Variants in METTL15 observed in about 807,000 individuals in gnomAD.
METTL15 encodes 12S rRNA N(4)-cytidine methyltransferase METTL15.
METTL15 carries 34 observed loss-of-function variants against 38.3 expected under a neutral mutation model. The observed-to-expected ratio is 0.89, with a 90% CI of 0.68 to 1.18. METTL15 has a LOEUF of 1.18. Ranked by LOEUF, METTL15 falls within the 50% of genes most tolerant of loss-of-function variation. METTL15 has a pLI of 0.00. For synonymous variants in METTL15, 162 were observed against 170.9 expected (o/e 0.95, Z 0.41); for missense variants, 438 against 498.4 (o/e 0.88, Z 1.15).
At chr11:28,471,889 A>G (rs1050906314) in intron 6 of METTL15, among the ~76,000 whole-genome samples, 65 of 152,102 alleles carry the variant, frequency 4.3e-4, no homozygotes, top group African/African-American at 1.5e-3. Flanking sequence ...CTGTGGGGGG[A>G]AAAACTCTCT....
rs561046055 is a variant in METTL15 at position 28,400,150 on chromosome 11, C to T, written c.*359-24149C>T. Among the ~76,000 whole-genome samples, 4 of 151,860 alleles carry T rather than the reference C, an allele frequency of 2.6e-5. No individual in the cohort carries two copies. The South Asian group carries it at 8.3e-4, about 32-fold the overall frequency. ...TTTGATTTGGGATCATAGATTTGGCCTTTTGTTTAAATGGTTACAATTTAT... is the reference window on the plus strand; with the variant it reads ...TTTGATTTGGGATCATAGATTTGGCTTTTTGTTTAAATGGTTACAATTTAT... On this transcript the variant is annotated intron_variant and NMD_transcript_variant, in intron 5 of 7. Coordinates refer to the METTL15 transcript ENST00000532947.
At chr11:28,497,746 C>A (rs1042622997) in intron 6 of METTL15, among the ~76,000 whole-genome samples, 2 of 152,106 alleles carry the variant, frequency 1.3e-5, no homozygotes, top group African/African-American at 2.4e-5. Flanking sequence ...GAGGCAAAGT[C>A]TCTCTGAAAC....
intron 3 of METTL15, among the ~76,000 whole-genome samples, chr11:28,199,222 T>C (rs1023655667): frequency 2.0e-5 from 3 of 152,144 alleles, no homozygotes; most frequent in African/African-American, 7.2e-5. Context: ...AGGATGATCT[T>C]TTAAAAGTAT....
chr11:28,360,895 GAGAACATGCGGTGTT>G (rs1356531965), intron 4 of METTL15, among the ~76,000 whole-genome samples: 2 of 144,486 alleles, frequency 1.4e-5, no homozygotes, highest in African/African-American at 5.2e-5. Flanking sequence ...ATCTATGAGT[GAGAACATGCGGTGTT>G]TGGTTTTTTG....
At chr11:28,169,502 T>A (rs1850776499) in intron 3 of METTL15, among the ~76,000 whole-genome samples, 2 of 152,158 alleles carry the variant, frequency 1.3e-5, no homozygotes, top group Admixed American at 6.6e-5. Flanking sequence ...GATCTATAGA[T>A]CTGAAAGATG....
At chr11:28,398,123 G>A (rs1007865200) in intron 5 of METTL15, among the ~76,000 whole-genome samples, 6 of 151,970 alleles carry the variant, frequency 3.9e-5, no homozygotes, top group African/African-American at 7.2e-5. Context: ...AGCATTAGGA[G>A]ATATACCTAA....
chr11:28,143,259 C>A, intron 3 of METTL15, among the ~76,000 whole-genome samples: 1 of 151,930 alleles, frequency 6.6e-6, no homozygotes, highest in East Asian at 1.9e-4. Flanking sequence ...AAGTCATAAC[C>A]CATGTGATAC....
chr11:28,363,210 A>G (rs12360793), intron 5 of METTL15, among the ~76,000 whole-genome samples: 64,469 of 151,668 alleles, frequency 0.43, 15,056 homozygotes, highest in Admixed American at 0.54. Context: ...GCCTCACCCT[A>G]TCACACAGGC....
chr11:28,238,827 G>T (rs989600443), intron 4 of METTL15, among the ~76,000 whole-genome samples: 7 of 152,146 alleles, frequency 4.6e-5, no homozygotes, highest in African/African-American at 1.4e-4. Flanking sequence ...AACTCCTTTT[G>T]TCAAAGACTC....
chr11:28,526,170 C>T (rs900264007), intron 6 of METTL15, among the ~76,000 whole-genome samples: 3 of 152,216 alleles, frequency 2.0e-5, no homozygotes, highest in Non-Finnish European at 4.4e-5. Context: ...CCTCTCCCGC[C>T]ACACCTCCTG....
intron 6 of METTL15, among the ~76,000 whole-genome samples, chr11:28,525,848 G>T (rs1002825999): frequency 6.6e-6 from 1 of 152,256 alleles, no homozygotes; most frequent in Admixed American, 6.5e-5. Flanking sequence ...TGGAGCAGGG[G>T]GCGGCGCTTG....
intron 3 of METTL15, among the ~76,000 whole-genome samples, chr11:28,176,835 A>G (rs1220250808): frequency 1.3e-5 from 2 of 152,148 alleles, no homozygotes; most frequent in South Asian, 2.1e-4. Flanking sequence ...AAACATCCAT[A>G]TGAAATAACA....
At chr11:28,289,638 C>T (rs11030273) in intron 4 of METTL15, among the ~76,000 whole-genome samples, 1 of 152,128 alleles carries the variant, frequency 6.6e-6, no homozygotes, top group African/African-American at 2.4e-5. Context: ...TTCAGAATCC[C>T]TGCTGAGAGA....
At chr11:28,172,719 T>C (rs929910457) in intron 3 of METTL15, among the ~76,000 whole-genome samples, 1 of 152,172 alleles carries the variant, frequency 6.6e-6, no homozygotes, top group Non-Finnish European at 1.5e-5. Flanking sequence ...TAGGTACTAG[T>C]AGCCTGTGAG....
At chr11:28,316,846 G>A (rs962196536) in intron 6 of METTL15, among the ~76,000 whole-genome samples, 2 of 152,136 alleles carry the variant, frequency 1.3e-5, no homozygotes, top group Non-Finnish European at 2.9e-5. Flanking sequence ...CATGTAAGAC[G>A]TGACTTACTC....
chr11:28,283,300 A>G (rs1177118915), intron 4 of METTL15, among the ~76,000 whole-genome samples: 1 of 152,150 alleles, frequency 6.6e-6, no homozygotes, highest in Non-Finnish European at 1.5e-5. Flanking sequence ...AAATAAAATT[A>G]TTTATTCCTG....
At chr11:28,260,746 A>G (rs1855168971) in intron 4 of METTL15, among the ~76,000 whole-genome samples, 1 of 152,194 alleles carries the variant, frequency 6.6e-6, no homozygotes, top group Admixed American at 6.5e-5. Context: ...TGGGGGCTCT[A>G]GGATTATGAG....
At chr11:28,482,763 G>A (rs1056414601) in intron 6 of METTL15, among the ~76,000 whole-genome samples, 9 of 152,154 alleles carry the variant, frequency 5.9e-5, no homozygotes, top group African/African-American at 1.9e-4. Context: ...GCCTACCTAC[G>A]GAGTCAGCAT....
chr11:28,162,659 C>G (rs1195000138), intron 3 of METTL15, among the ~76,000 whole-genome samples: 1 of 152,064 alleles, frequency 6.6e-6, no homozygotes, highest in Non-Finnish European at 1.5e-5. Flanking sequence ...TTAACCTAGC[C>G]TACCTTATAC....
Sources: gnomAD v4.1 joint callset for allele counts (sites outside exome capture counted in the v4.1 genomes callset) on GRCh38, gnomAD v4.1.1 for gene constraint, MANE v1.5 for transcripts, NCBI Gene and HGNC (gene_info 2026-07-23, HGNC 2026-07-21) for gene names.